Variants in LUZP2 observed in about 807,000 individuals in gnomAD.
LUZP2 encodes the protein leucine zipper protein 2.
In LUZP2, 52 loss-of-function variants were observed where a neutral mutation model predicts 51.6. The observed-to-expected ratio is 1.01, with a 90% CI of 0.81 to 1.27. LUZP2 has a LOEUF of 1.27. Ranked by LOEUF, LUZP2 falls within the 50% of genes most tolerant of loss-of-function variation. The pLI, the probability that LUZP2 is intolerant of heterozygous loss-of-function variation, is 0.00. For synonymous variants in LUZP2, 154 were observed against 137.3 expected (o/e 1.12, Z -0.85); for missense variants, 436 against 395.4 (o/e 1.10, Z -0.87).
intron 4 of LUZP2, among the ~76,000 whole-genome samples, chr11:24,746,233 G>A (rs1385271716): frequency 2.6e-5 from 4 of 152,152 alleles, no homozygotes; most frequent in South Asian, 4.1e-4. Context: ...AGCAGTTCTT[G>A]TAGTGGTGGC....
At chr11:24,825,421 C>T (rs1268667192) in intron 5 of LUZP2, among the ~76,000 whole-genome samples, 1 of 152,154 alleles carries the variant, frequency 6.6e-6, no homozygotes. Context: ...CTGATCCTCT[C>T]TCCTCCTGCT....
chr11:24,697,701 A>G (rs933303495), intron 1 of LUZP2, among the ~76,000 whole-genome samples: 3 of 152,238 alleles, frequency 2.0e-5, no homozygotes, highest in African/African-American at 7.2e-5. Flanking sequence ...GAATTCTGCT[A>G]ATGCAGTTAA....
At chr11:25,061,186 G>C (rs552322071) in intron 10 of LUZP2, among the ~76,000 whole-genome samples, 13 of 152,226 alleles carry the variant, frequency 8.5e-5, no homozygotes, top group African/African-American at 2.9e-4. Context: ...GTAATGACTA[G>C]AGACATCACA....
At chr11:25,041,328 T>C (rs1858051898) in intron 9 of LUZP2, among the ~76,000 whole-genome samples, 1 of 152,130 alleles carries the variant, frequency 6.6e-6, no homozygotes. Flanking sequence ...AACAATATAC[T>C]ATAATAAAAG....
At chr11:24,653,046 CA>C (rs1332972757) in intron 1 of LUZP2, among the ~76,000 whole-genome samples, 2 of 151,966 alleles carry the variant, frequency 1.3e-5, no homozygotes, top group Non-Finnish European at 2.9e-5. Flanking sequence ...TGGTGGGGAA[CA>C]AAATATGTGG....
intron 1 of LUZP2, among the ~76,000 whole-genome samples, chr11:24,555,302 A>G (rs998724147): frequency 5.9e-5 from 9 of 152,174 alleles, no homozygotes; most frequent in Non-Finnish European, 1.2e-4. Flanking sequence ...GAGCTTTTGT[A>G]TGAAAAAATG....
At chr11:24,917,551 A>C (rs1386229354) in intron 7 of LUZP2, among the ~76,000 whole-genome samples, 1 of 152,136 alleles carries the variant, frequency 6.6e-6, no homozygotes, top group Admixed American at 6.6e-5. Context: ...CTTTCTACAT[A>C]TGGCTAGCCA....
intron 6 of LUZP2, among the ~76,000 whole-genome samples, chr11:24,913,388 G>A (rs529971204): frequency 1.3e-5 from 2 of 152,102 alleles, no homozygotes; most frequent in African/African-American, 2.4e-5. Context: ...AGTACTCCAT[G>A]TCATGGATAT....
intron 1 of LUZP2, among the ~76,000 whole-genome samples, chr11:24,678,084 G>T (rs866277373): frequency 1.5e-5 from 2 of 134,386 alleles, no homozygotes; most frequent in African/African-American, 2.7e-5. Context: ...AAGGGGGGGG[G>T]GGGTGATTAC....
chr11:24,909,251 A>G (rs1442163964), intron 6 of LUZP2, among the ~76,000 whole-genome samples: 1 of 151,974 alleles, frequency 6.6e-6, no homozygotes, highest in African/African-American at 2.4e-5. Flanking sequence ...TCATTGAATA[A>G]TTGATGTTTT....
chr11:24,560,843 C>T (rs1852016499), intron 1 of LUZP2, among the ~76,000 whole-genome samples: 2 of 152,154 alleles, frequency 1.3e-5, no homozygotes, highest in Admixed American at 1.3e-4. Context: ...CCAATTAAGA[C>T]ATAGTTTGCA....
At chr11:24,688,294 G>T (rs1460886209) in intron 1 of LUZP2, among the ~76,000 whole-genome samples, 2 of 152,060 alleles carry the variant, frequency 1.3e-5, no homozygotes, top group Non-Finnish European at 2.9e-5. Context: ...ACTAATAAAA[G>T]AAACAAATAC....
chr11:24,509,075 C>G (rs559345181), intron 1 of LUZP2, among the ~76,000 whole-genome samples: 100 of 152,246 alleles, frequency 6.6e-4, no homozygotes, highest in African/African-American at 2.3e-3. Flanking sequence ...GTCATACACA[C>G]GCGACATGTG....
chr11:24,507,869 G>A (rs186572241), intron 1 of LUZP2, among the ~76,000 whole-genome samples: 1 of 151,940 alleles, frequency 6.6e-6, no homozygotes, highest in African/African-American at 2.4e-5. Context: ...TCTAAGAAAT[G>A]TGTGAATTAA....
intron 9 of LUZP2, among the ~76,000 whole-genome samples, chr11:24,996,627 ATTT>A (rs1392408201): frequency 1.5e-4 from 14 of 94,884 alleles, no homozygotes; most frequent in African/African-American, 4.2e-4. Flanking sequence ...ATTTTATTTT[ATTT>A]TATTATACTT....
intron 1 of LUZP2, among the ~76,000 whole-genome samples, chr11:24,602,159 T>TATATATGTAC (rs1565020532): frequency 9.0e-5 from 11 of 122,162 alleles, no homozygotes; most frequent in African/African-American, 3.6e-4. Context: ...TGTATATATG[T>TATATATGTAC]ATATATGTGT....
chr11:24,906,817 G>A (rs1853469553), intron 6 of LUZP2, among the ~76,000 whole-genome samples: 1 of 152,064 alleles, frequency 6.6e-6, no homozygotes, highest in African/African-American at 2.4e-5. Flanking sequence ...TGAATGATAA[G>A]GGACAGTCAT....
chr11:24,666,258 G>C (rs779817273), intron 1 of LUZP2, among the ~76,000 whole-genome samples: 2 of 152,164 alleles, frequency 1.3e-5, no homozygotes, highest in African/African-American at 4.8e-5. Context: ...ACTACAGATA[G>C]AGATGGGGAT....
At chr11:24,609,093 T>C (rs1854031669) in intron 1 of LUZP2, among the ~76,000 whole-genome samples, 1 of 152,146 alleles carries the variant, frequency 6.6e-6, no homozygotes, top group South Asian at 2.1e-4. Flanking sequence ...ACTTGTAGGT[T>C]GGAAACTATC....
Sources: allele counts gnomAD v4.1 joint callset (sites outside exome capture counted in the v4.1 genomes callset), GRCh38; gene constraint gnomAD v4.1.1; transcripts MANE v1.5; gene names NCBI Gene and HGNC (gene_info 2026-07-23, HGNC 2026-07-21).